The following ZNF510 variants were observed in gnomAD, a reference collection of about 807,000 sequenced individuals.
ZNF510 encodes the protein zinc finger protein 510.
A neutral mutation model predicts 18.1 loss-of-function variants in ZNF510; 15 were observed. The observed-to-expected ratio is 0.83, with a 90% CI of 0.55 to 1.28. The LOEUF (loss-of-function observed/expected upper bound fraction) is 1.28, where lower values mean the gene tolerates loss of function less well. Among genes scored for constraint, ZNF510 ranks in the 50% most tolerant of loss-of-function variants. ZNF510 has a pLI of 0.00. For missense variants in ZNF510, 724 were observed against 791.8 expected (o/e 0.91, Z 1.03); for synonymous variants, 261 against 266.4 (o/e 0.98, Z 0.20).
chr9:96,765,140 A>C (rs1031827951), intron 3 of ZNF510, among the ~76,000 whole-genome samples: 6 of 151,672 alleles, frequency 4.0e-5, no homozygotes, highest in Non-Finnish European at 5.9e-5. Context: ...ACAACAACAA[A>C]AAACTGAGTA....
intron 3 of ZNF510, among the ~76,000 whole-genome samples, chr9:96,770,819 G>A (rs1357594146): frequency 1.3e-5 from 2 of 151,970 alleles, no homozygotes; most frequent in African/African-American, 2.4e-5. Flanking sequence ...AATTGATTGT[G>A]GCAATGACTG....
chr9:96,769,202 AG>A (rs749213615), intron 3 of ZNF510, among the ~76,000 whole-genome samples: 3 of 152,160 alleles, frequency 2.0e-5, no homozygotes, highest in Admixed American at 6.5e-5. Flanking sequence ...TAGGAGGCTG[AG>A]GCAGACAGAT....
intron 3 of ZNF510, 51 bp downstream of exon 3, chr9:96,774,737 C>G (rs1393252455): frequency 6.7e-7 from 1 of 1,502,160 alleles, no homozygotes; most frequent in East Asian, 2.3e-5. Flanking sequence ...TATGTGGACC[C>G]TTAAACACCT....
chr9:96,763,279 GA>G, intron 4 of ZNF510, 66 bp from the exon 5 acceptor site: 2 of 1,529,884 alleles, frequency 1.3e-6, no homozygotes, highest in Non-Finnish European at 1.8e-6. Flanking sequence ...AAAAGTGGAA[GA>G]AAATACAGCT....
intron 3 of ZNF510, among the ~76,000 whole-genome samples, 195 bp downstream of exon 3, chr9:96,774,593 T>C (rs528896752): frequency 1.3e-5 from 2 of 152,342 alleles, no homozygotes; most frequent in African/African-American, 4.8e-5. Flanking sequence ...GAATGAAAAC[T>C]GCAGTTCCAT....
rs753336928 is a variant in ZNF510, at chr9:96,758,809, TG to T, written c.2020del (p.Gln674ArgfsTer19). 1 of 1,590,658 alleles carries T rather than the reference TG, an allele frequency of 6.3e-7. No individual in the cohort carries two copies. Among genetic ancestry groups the T allele is most frequent in the Admixed American group, 1.8e-5 (1 of 55,848 alleles). On this transcript the variant is annotated frameshift_variant, in exon 6 of 6. Coordinates refer to ENST00000223428, the MANE Select transcript of ZNF510 (RefSeq NM_014930.3). LOFTEE classifies it low-confidence loss of function (END_TRUNC). ...GGGATTCCCCTCTCCCTGAATTTTC[TG>T]GTATAAGCTTAGGGTAGACTTCTTA... ...LCKKSTLSLY[Q>X]KIQGEGNPY
At chr9:96,762,524 G>GAAA (rs1181728252) in intron 5 of ZNF510, among the ~76,000 whole-genome samples, 1 of 135,874 alleles carries the variant, frequency 7.4e-6, no homozygotes, top group African/African-American at 3.5e-5. Context: ...AAAAAAAAAA[G>GAAA]AAAAGAAAAA....
At chr9:96,771,463 A>G (rs10978899) in intron 3 of ZNF510, among the ~76,000 whole-genome samples, 8,745 of 151,456 alleles carry the variant, frequency 0.058, 844 homozygotes, top group African/African-American at 0.2. Flanking sequence ...AACTAAAAAT[A>G]AAAAAGGGAA....
At position 96,757,607 on chromosome 9, in the gene ZNF510, G is replaced by C. The variant is rs1428909045; in HGVS notation, c.*1171C>G. The C allele has an allele frequency of 1.3e-5, 2 of 152,170 alleles. No individual in the cohort carries two copies. Among genetic ancestry groups the C allele is most frequent in the African/African-American group, 4.8e-5 (2 of 41,448 alleles). The allele number at this position is 152,170 out of a possible 1,614,324, so 9.4% of individuals were successfully genotyped here. On this transcript the variant is annotated 3_prime_UTR_variant, in exon 6 of 6. Transcript: ENST00000223428. ...TGTGAAAGCTCAACAGAATACAGTA[G>C]TCCCTGCTTAACTACAAGGAATGCT... is the stretch of plus-strand genomic sequence containing the variant.
chr9:96,762,342 T>A (rs537269432), intron 5 of ZNF510, among the ~76,000 whole-genome samples: 84 of 151,636 alleles, frequency 5.5e-4, no homozygotes, highest in Non-Finnish European at 1.0e-3. Flanking sequence ...ACCCTGTCTC[T>A]ACTAAAAATA....
At chr9:96,761,971 C>T (rs2117951384) in intron 5 of ZNF510, among the ~76,000 whole-genome samples, 1 of 152,120 alleles carries the variant, frequency 6.6e-6, no homozygotes, top group East Asian at 1.9e-4. Context: ...TTGGCTACAA[C>T]ATATGCAAAA....
rs1374314326 is a variant in ZNF510, at chr9:96,776,132, AC to A, written c.-64del. On this transcript the variant is annotated 5_prime_UTR_variant, in exon 2 of 6. The change abolishes the stop of an existing upstream ORF in the 5' untranslated region. Coordinates refer to ENST00000223428, the MANE Select transcript of ZNF510 (RefSeq NM_014930.3). ...AGTGCCGCTGGTTGGGCAAATCAAG[AC>A]CTGCTCCTTTCTGGGTTCTTCTGCA... The A allele has an allele frequency of 1.9e-6, 3 of 1,551,172 alleles. No homozygotes were observed. The African/African-American group carries it at 4.1e-5, about 21-fold the overall frequency.
At position 96,776,082 on chromosome 9, in the gene ZNF510, T is replaced by G. The variant is rs1406455823; in HGVS notation, c.-13A>C. 2 of 1,595,114 alleles carry G rather than the reference T, an allele frequency of 1.3e-6. No homozygotes were observed. The highest frequency in any genetic ancestry group is 1.7e-6 in the Non-Finnish European group (2 of 1,169,416). ...GATGTGGCGACATCACCAAGTCTGG[T>G]GCTCTCTGGGCAAGGGGATGAAGAA... On this transcript the variant is annotated 5_prime_UTR_variant, in exon 2 of 6. Coordinates refer to ENST00000223428, the MANE Select transcript of ZNF510 (RefSeq NM_014930.3).
chr9:96,770,855 C>T (rs920034851), intron 3 of ZNF510, among the ~76,000 whole-genome samples: 1 of 152,066 alleles, frequency 6.6e-6, no homozygotes, highest in African/African-American at 2.4e-5. Flanking sequence ...ATACTAAAAA[C>T]CACAAAATTG....
intron 5 of ZNF510, 87 bp from the exon 6 acceptor site, chr9:96,760,564 A>C: frequency 8.4e-7 from 1 of 1,185,422 alleles, no homozygotes; most frequent in Non-Finnish European, 1.1e-6. Context: ...GTTGCACCTA[A>C]TTATTTGATT....
chr9:96,764,969 C>T (rs923925494), intron 3 of ZNF510, among the ~76,000 whole-genome samples: 12 of 151,432 alleles, frequency 7.9e-5, no homozygotes, highest in African/African-American at 2.0e-4. Context: ...AAAAATTAGC[C>T]GGGTGTGGTG....
At chr9:96,761,410 C>T (rs942698613) in intron 5 of ZNF510, among the ~76,000 whole-genome samples, 3 of 152,184 alleles carry the variant, frequency 2.0e-5, no homozygotes, top group African/African-American at 7.2e-5. Flanking sequence ...TCTCGCTTAC[C>T]TCTTAACATT....
Position 96,763,233 on chromosome 9 carries a change from G to T in ZNF510, c.257-20C>A. 1.2e-6 allele frequency: 2 copies of T among 1,608,240 alleles called. No individual in the cohort carries two copies. Among genetic ancestry groups the T allele is most frequent in the Non-Finnish European group, 1.7e-6 (2 of 1,174,876 alleles). On this transcript the variant is annotated intron_variant, in intron 4 of 5. Coordinates refer to ENST00000223428, the MANE Select transcript of ZNF510 (RefSeq NM_014930.3). ...AGTACCCTGTTAATAAAACACAATC[G>T]AGGACTTAGACCAGATATATGAGAT...
intron 5 of ZNF510, 27 bp downstream of exon 5, chr9:96,763,088 AATT>A: frequency 2.5e-6 from 4 of 1,582,412 alleles, no homozygotes; most frequent in Non-Finnish European, 3.5e-6. Context: ...ACTCCTGCAG[AATT>A]ATGTCTACTA....
Sources: allele counts gnomAD v4.1 joint callset (sites outside exome capture counted in the v4.1 genomes callset), GRCh38; gene constraint gnomAD v4.1.1; transcripts MANE v1.5; gene names NCBI Gene and HGNC (gene_info 2026-07-23, HGNC 2026-07-21).